The following SLC4A4 variants were observed in gnomAD, a reference collection of about 807,000 sequenced individuals.
The protein encoded by SLC4A4 is solute carrier family 4 member 4, also known as electrogenic sodium bicarbonate cotransporter 1.
A neutral mutation model predicts 111.5 loss-of-function variants in SLC4A4; 27 were observed. The ratio of observed to expected loss-of-function variants is 0.24; its 90% confidence interval spans 0.18 to 0.33. The LOEUF is 0.33. Among genes scored for constraint, SLC4A4 ranks in the 10% least tolerant of loss-of-function variants. SLC4A4 has a pLI of 1.00. For missense variants in SLC4A4, 909 were observed against 1,315.5 expected (o/e 0.69, Z 4.78); for synonymous variants, 443 against 463.4 (o/e 0.96, Z 0.57).
At chr4:71,250,316 A>G (rs1720972261) in intron 2 of SLC4A4, among the ~76,000 whole-genome samples, 1 of 152,196 alleles carries the variant, frequency 6.6e-6, no homozygotes, top group Non-Finnish European at 1.5e-5. Flanking sequence ...AGTATATAAA[A>G]TGCTGCATGT....
intron 6 of SLC4A4, among the ~76,000 whole-genome samples, chr4:71,375,096 C>T (rs1732227822): frequency 6.6e-6 from 1 of 152,122 alleles, no homozygotes; most frequent in African/African-American, 2.4e-5. Flanking sequence ...TGTTCATGTC[C>T]TTATTTCCTT....
In SLC4A4 at chr4:71,438,762, G is replaced by T. The variant is rs538952940; in HGVS notation, c.808-1854G>T. Among the ~76,000 whole-genome samples, 212 of 152,168 alleles carry T rather than the reference G, an allele frequency of 1.4e-3. 2 individuals are homozygous for T. The South Asian group carries it at 0.015, about 11-fold the overall frequency. On this transcript the variant is annotated intron_variant, in intron 7 of 25. Transcript: ENST00000264485. ...ACCATCTCCTTTATAATTAAAAAGT[G>T]AGGACTATGAAAAACAAGAAGGCTT...
intron 2 of SLC4A4, among the ~76,000 whole-genome samples, chr4:71,094,833 A>G (rs1264452669): frequency 6.6e-6 from 1 of 152,160 alleles, no homozygotes; most frequent in Non-Finnish European, 1.5e-5. Flanking sequence ...TGCAGTCTTC[A>G]GTGAAGCTTC....
intron 3 of SLC4A4, chr4:71,300,454 T>C: frequency 4.1e-6 from 1 of 241,558 alleles, no homozygotes. Flanking sequence ...GCAGTCCATT[T>C]AGCCCTGCCT....
chr4:71,389,369 A>C (rs1719059395), intron 6 of SLC4A4, among the ~76,000 whole-genome samples: 1 of 152,156 alleles, frequency 6.6e-6, no homozygotes, highest in African/African-American at 2.4e-5. Context: ...CCACTTTCCA[A>C]GACAATCATA....
At chr4:71,301,571 C>G (rs1725262822) in intron 3 of SLC4A4, among the ~76,000 whole-genome samples, 1 of 152,252 alleles carries the variant, frequency 6.6e-6, no homozygotes, top group South Asian at 2.1e-4. Flanking sequence ...CTGCAGGCCC[C>G]AGCTCCTTAT....
At chr4:71,383,739 A>G (rs930118462) in intron 6 of SLC4A4, among the ~76,000 whole-genome samples, 4 of 152,128 alleles carry the variant, frequency 2.6e-5, no homozygotes, top group Non-Finnish European at 4.4e-5. Context: ...CTGATAAGAT[A>G]TTTTTATTTC....
chr4:71,497,100 C>G (rs147657837), intron 15 of SLC4A4, among the ~76,000 whole-genome samples: 83 of 152,182 alleles, frequency 5.5e-4, no homozygotes, highest in African/African-American at 2.0e-3. Context: ...ACGTAAGAAG[C>G]TGTGCCTTAC....
chr4:71,352,776 C>T (rs771711390), intron 5 of SLC4A4, among the ~76,000 whole-genome samples: 13 of 152,184 alleles, frequency 8.5e-5, no homozygotes, highest in Non-Finnish European at 1.9e-4. Flanking sequence ...TGTCACCTAG[C>T]AGAGTGTAGA....
chr4:71,083,404 A>G (rs893328076), intron 1 of SLC4A4, among the ~76,000 whole-genome samples: 4 of 151,918 alleles, frequency 2.6e-5, no homozygotes, highest in African/African-American at 9.7e-5. Context: ...GATGGGGCCA[A>G]TAGCTACTTT....
chr4:71,568,932 C>T lies in SLC4A4; in HGVS notation c.*1181C>T, dbSNP rs1266067498. Reference sequence around the variant, plus strand: ...CAAACTCCTATGTCATGAGAATAACCGATGTTCTGATAATAGTAGCATCTA... The same window carrying T: ...CAAACTCCTATGTCATGAGAATAACTGATGTTCTGATAATAGTAGCATCTA... On this transcript the variant is annotated 3_prime_UTR_variant, in exon 26 of 26. Coordinates refer to ENST00000264485, the MANE Select transcript of SLC4A4 (RefSeq NM_001098484.3). 2 of 151,588 alleles carry T rather than the reference C, an allele frequency of 1.3e-5. No individual in the cohort carries two copies. Among genetic ancestry groups the T allele is most frequent in the African/African-American group, 2.4e-5 (1 of 41,330 alleles). The allele number at this position is 151,588 out of a possible 1,614,324, so 9.4% of individuals were successfully genotyped here. A position where few individuals can be genotyped will look rare whatever the true frequency, so the allele number is the denominator to read the frequency against.
intron 7 of SLC4A4, among the ~76,000 whole-genome samples, chr4:71,401,678 AG>A (rs1337355803): frequency 2.6e-5 from 4 of 152,330 alleles, no homozygotes; most frequent in Admixed American, 6.5e-5. Flanking sequence ...TATGAGGATA[AG>A]AAAGAGCTTT....
At chr4:71,512,716 T>C (rs1246041038) in intron 16 of SLC4A4, among the ~76,000 whole-genome samples, 1 of 152,182 alleles carries the variant, frequency 6.6e-6, no homozygotes, top group African/African-American at 2.4e-5. Flanking sequence ...TCTACACCAA[T>C]GTCCAGGAGA....
intron 1 of SLC4A4, among the ~76,000 whole-genome samples, chr4:71,203,945 G>A (rs114096507): frequency 6.6e-6 from 1 of 152,208 alleles, no homozygotes; most frequent in African/African-American, 2.4e-5. Flanking sequence ...TTAAGTAAAA[G>A]GCAGAAGAGG....
At chr4:71,099,431 C>T (rs547661357) in intron 2 of SLC4A4, among the ~76,000 whole-genome samples, 1 of 152,264 alleles carries the variant, frequency 6.6e-6, no homozygotes, top group South Asian at 2.1e-4. Context: ...CTCTGGAACA[C>T]AGCTAAGGCA....
chr4:71,207,273 A>G (rs981805154), intron 1 of SLC4A4, among the ~76,000 whole-genome samples: 3 of 152,224 alleles, frequency 2.0e-5, no homozygotes, highest in African/African-American at 7.2e-5. Context: ...TTTTATTGAC[A>G]CTAGTCTGAA....
chr4:71,567,096 C>T lies in SLC4A4; in HGVS notation c.*36+13C>T. The T allele has an allele frequency of 6.3e-7, 1 of 1,597,246 alleles. No homozygotes were observed. The highest frequency in any genetic ancestry group is 8.6e-7 in the Non-Finnish European group (1 of 1,168,586). ...TCGGTATGCCAAGGTAAAGGAGAGC[C>T]CAGTATTTTATGTTTTTCTGTGGGA... is the stretch of plus-strand genomic sequence containing the variant. On this transcript the variant is annotated intron_variant, in intron 25 of 25. Coordinates refer to ENST00000264485, the MANE Select transcript of SLC4A4 (RefSeq NM_001098484.3).
At chr4:71,431,932 A>T (rs1044917095) in intron 7 of SLC4A4, among the ~76,000 whole-genome samples, 3 of 152,172 alleles carry the variant, frequency 2.0e-5, no homozygotes, top group African/African-American at 7.2e-5. Flanking sequence ...TACAGAGTCC[A>T]TTCCTTCATA....
At position 71,369,003 on chromosome 4, in the gene SLC4A4, G is replaced by GTCC. The variant is rs370537956; in HGVS notation, c.730+11830_730+11832dup. Reference sequence around the variant, plus strand: ...TCATCCTTGCTGTGGCTGCTCATGTGTCCTCCTCCTCCTCCTGTCTTCTGC... The same window carrying GTCC: ...TCATCCTTGCTGTGGCTGCTCATGTGTCCTCCTCCTCCTCCTCCTGTCTTCTGC... On this transcript the variant is annotated intron_variant, in intron 6 of 25. Transcript: ENST00000264485. 2.3e-3 allele frequency among the ~76,000 whole-genome samples: 357 copies of GTCC among 152,048 alleles called. 3 individuals carry two copies. Among genetic ancestry groups the GTCC allele is most frequent in the African/African-American group, 5.2e-3 (216 of 41,470 alleles).
Sources: allele counts gnomAD v4.1 joint callset (sites outside exome capture counted in the v4.1 genomes callset), GRCh38; gene constraint gnomAD v4.1.1; transcripts MANE v1.5; gene names NCBI Gene and HGNC (gene_info 2026-07-23, HGNC 2026-07-21).